The following TMEM108 variants were observed in gnomAD, a reference collection of about 807,000 sequenced individuals.
TMEM108 encodes transmembrane protein 108, also known as cancer/testis antigen 124.
In TMEM108, 12 loss-of-function variants were observed where a neutral mutation model predicts 35.1. The ratio of observed to expected loss-of-function variants is 0.34; its 90% CI spans 0.22 to 0.55. TMEM108 has a LOEUF of 0.55. Among genes scored for constraint, TMEM108 ranks in the 20% least tolerant of loss-of-function variants. The pLI is 0.89. For missense variants in TMEM108, 680 were observed against 753.3 expected (o/e 0.90, Z 1.14); for synonymous variants, 287 against 308.6 (o/e 0.93, Z 0.73).
At chr3:133,330,182 G>A (rs2071378434) in intron 3 of TMEM108, among the ~76,000 whole-genome samples, 1 of 152,170 alleles carries the variant, frequency 6.6e-6, no homozygotes, top group South Asian at 2.1e-4. Context: ...CAATAGATAA[G>A]AAGCCTTCTC....
intron 3 of TMEM108, among the ~76,000 whole-genome samples, chr3:133,334,339 A>C: frequency 6.6e-6 from 1 of 152,216 alleles, no homozygotes; most frequent in East Asian, 1.9e-4. Context: ...AAGACAAAAA[A>C]CGAGACCCAG....
At chr3:133,386,326 T>C (rs1014653385) in intron 4 of TMEM108, 34 of 1,408,676 alleles carry the variant, frequency 2.4e-5, no homozygotes, top group Middle Eastern at 1.7e-4. Context: ...TTGCAATGCC[T>C]GCTCAAACAG....
In TMEM108 at chr3:133,186,546, C is replaced by T. The variant is rs572100389; in HGVS notation, c.-46-42720C>T. On this transcript the variant is annotated intron_variant, in intron 2 of 5. Coordinates refer to ENST00000321871, the MANE Select transcript of TMEM108 (RefSeq NM_023943.4). ...TTAGGAATCAAAACCCAGTTTAAAA[C>T]TTAGCCCAGTCTATTTGTAAGTGGA... Among the ~76,000 whole-genome samples, 3 of 152,274 alleles carry T rather than the reference C, an allele frequency of 2.0e-5. No individual in the cohort carries two copies. In the South Asian group the frequency reaches 6.2e-4, roughly 32 times the overall value.
chr3:133,167,700 G>A (rs1355147301), intron 2 of TMEM108, among the ~76,000 whole-genome samples: 1 of 152,144 alleles, frequency 6.6e-6, no homozygotes, highest in Admixed American at 6.5e-5. Flanking sequence ...GGGGCCCGCC[G>A]AGCCCACACC....
intron 2 of TMEM108, among the ~76,000 whole-genome samples, chr3:133,093,034 G>T (rs997060937): frequency 6.7e-6 from 1 of 149,778 alleles, no homozygotes; most frequent in Non-Finnish European, 1.5e-5. Context: ...CTGTCACCCA[G>T]GCTTGAGTGC....
chr3:133,241,279 A>T (rs1946308900), intron 3 of TMEM108, among the ~76,000 whole-genome samples: 3 of 152,232 alleles, frequency 2.0e-5, no homozygotes, highest in African/African-American at 7.2e-5. Context: ...CCCAAACCTA[A>T]GATACATTGC....
At chr3:133,071,859 A>G (rs145273340) in intron 2 of TMEM108, among the ~76,000 whole-genome samples, 85 of 152,250 alleles carry the variant, frequency 5.6e-4, no homozygotes, top group African/African-American at 1.9e-3. Flanking sequence ...CCATTTGTCT[A>G]CTTTTGCTTT....
At chr3:133,318,618 C>T (rs1350224752) in intron 3 of TMEM108, among the ~76,000 whole-genome samples, 1 of 152,052 alleles carries the variant, frequency 6.6e-6, no homozygotes, top group African/African-American at 2.4e-5. Flanking sequence ...AGGGTGCACT[C>T]AACAAAATCT....
intron 3 of TMEM108, among the ~76,000 whole-genome samples, chr3:133,337,498 C>T (rs1472953165): frequency 6.6e-6 from 1 of 152,172 alleles, no homozygotes; most frequent in African/African-American, 2.4e-5. Context: ...TACTGGGCTT[C>T]AGGTGTCCCC....
intron 2 of TMEM108, among the ~76,000 whole-genome samples, chr3:133,096,675 G>A (rs972755677): frequency 2.6e-5 from 4 of 152,182 alleles, no homozygotes; most frequent in Non-Finnish European, 4.4e-5. Context: ...AAAGAGCAAA[G>A]CCGATTCTGT....
At position 133,343,108 on chromosome 3, in the gene TMEM108, G is replaced by A. The variant is rs138478930; in HGVS notation, c.41-36644G>A. The stretch of plus-strand genomic sequence containing the variant: ...TTTCAAAAAGATATATGGGTGGCAT[G>A]CATATAAAAAAAGTGCCCAAGACTA... On this transcript the variant is annotated intron_variant, in intron 3 of 5. Coordinates refer to ENST00000321871, the MANE Select transcript of TMEM108 (RefSeq NM_023943.4). 2.5e-3 allele frequency among the ~76,000 whole-genome samples: 373 copies of A among 151,910 alleles called. 1 individual carries two copies. The highest frequency in any genetic ancestry group is 8.5e-3 in the African/African-American group (353 of 41,522).
intron 2 of TMEM108, among the ~76,000 whole-genome samples, chr3:133,069,244 C>T (rs1360259347): frequency 6.6e-6 from 1 of 152,166 alleles, no homozygotes; most frequent in Non-Finnish European, 1.5e-5. Flanking sequence ...TTTATGATTA[C>T]AGACTTATTT....
intron 3 of TMEM108, among the ~76,000 whole-genome samples, chr3:133,237,450 G>A (rs1946255173): frequency 6.6e-6 from 1 of 151,988 alleles, no homozygotes; most frequent in Non-Finnish European, 1.5e-5. Flanking sequence ...CTATTCTCAG[G>A]TCTTCTCCTT....
At chr3:133,124,357 T>C (rs1488949211) in intron 2 of TMEM108, among the ~76,000 whole-genome samples, 3 of 152,228 alleles carry the variant, frequency 2.0e-5, no homozygotes, top group Non-Finnish European at 4.4e-5. Context: ...TGGAGGCAGC[T>C]ATTGATAATT....
intron 2 of TMEM108, among the ~76,000 whole-genome samples, chr3:133,167,589 G>A (rs532893554): frequency 2.0e-4 from 30 of 152,338 alleles, no homozygotes; most frequent in African/African-American, 2.9e-4. Flanking sequence ...CGGGTGGGCC[G>A]GCAGTGCTGG....
At chr3:133,086,301 CT>C (rs546850344) in intron 2 of TMEM108, among the ~76,000 whole-genome samples, 21 of 149,458 alleles carry the variant, frequency 1.4e-4, no homozygotes, top group African/African-American at 2.7e-4. Flanking sequence ...AGCATTTGAG[CT>C]TTTTTTTTTC....
intron 2 of TMEM108, among the ~76,000 whole-genome samples, chr3:133,154,472 C>A (rs1944847846): frequency 6.6e-6 from 1 of 152,068 alleles, no homozygotes; most frequent in Non-Finnish European, 1.5e-5. Flanking sequence ...AAATGTCCAA[C>A]AACGATAGAC....
intron 2 of TMEM108, among the ~76,000 whole-genome samples, chr3:133,173,695 AT>A (rs112361939): frequency 3.9e-5 from 6 of 152,346 alleles, no homozygotes; most frequent in African/African-American, 1.4e-4. Context: ...ACCCTAAAAA[AT>A]AAAATGGCCA....
intron 4 of TMEM108, chr3:133,388,928 C>T (rs2073192614): frequency 5.1e-6 from 5 of 985,468 alleles, no homozygotes; most frequent in Non-Finnish European, 6.0e-6. Flanking sequence ...CGGTGCTGGC[C>T]TCTCTGGACA....
Sources: gnomAD v4.1 joint callset for allele counts (sites outside exome capture counted in the v4.1 genomes callset) on GRCh38, gnomAD v4.1.1 for gene constraint, MANE v1.5 for transcripts, NCBI Gene and HGNC (gene_info 2026-07-23, HGNC 2026-07-21) for gene names.